GNG12: variants seen among roughly 807,000 people sequenced by gnomAD.
The protein encoded by GNG12 is G protein subunit gamma 12.
For synonymous variants in GNG12, 28 were observed against 29.7 expected (o/e 0.94, Z 0.19); for missense variants, 69 against 83.8 (o/e 0.82, Z 0.69).
chr1:67,737,117 A>G (rs145919326), intron 2 of GNG12, among the ~76,000 whole-genome samples: 1 of 152,348 alleles, frequency 6.6e-6, no homozygotes, highest in Non-Finnish European at 1.5e-5. Flanking sequence ...ACTAAAACCA[A>G]GTCTTAATTT....
intron 2 of GNG12, among the ~76,000 whole-genome samples, chr1:67,736,923 A>C (rs1316627890): frequency 6.6e-6 from 1 of 152,230 alleles, no homozygotes; most frequent in African/African-American, 2.4e-5. Flanking sequence ...GCAACACTGG[A>C]AAAGAAGTAT....
At chr1:67,780,268 G>A (rs1048630120) in intron 1 of GNG12, among the ~76,000 whole-genome samples, 2 of 152,174 alleles carry the variant, frequency 1.3e-5, no homozygotes, top group African/African-American at 4.8e-5. Flanking sequence ...GGTTAAGCCA[G>A]TAGTCTAAGG....
intron 2 of GNG12, among the ~76,000 whole-genome samples, chr1:67,746,918 T>C (rs1646511064): frequency 2.0e-5 from 3 of 151,870 alleles, no homozygotes; most frequent in Admixed American, 2.0e-4. Flanking sequence ...AAGCAAATAA[T>C]ATACTTTAAA....
intron 1 of GNG12, among the ~76,000 whole-genome samples, chr1:67,825,709 C>T (rs1034919094): frequency 2.6e-5 from 4 of 152,192 alleles, no homozygotes; most frequent in Admixed American, 2.0e-4. Flanking sequence ...TGCATCCTGT[C>T]CCCAAGGAAA....
intron 2 of GNG12, among the ~76,000 whole-genome samples, chr1:67,714,345 G>A (rs1407307412): frequency 6.6e-6 from 1 of 152,120 alleles, no homozygotes; most frequent in Non-Finnish European, 1.5e-5. Context: ...GGATTCGCCG[G>A]GGGCATCTGG....
chr1:67,704,317 A>AT lies in GNG12; in HGVS notation c.*1133dup, dbSNP rs889070315. 2.3e-4 allele frequency: 34 copies of AT among 150,068 alleles called. No individual in the cohort carries two copies. Among genetic ancestry groups the AT allele is most frequent in the East Asian group, 7.8e-4 (4 of 5,120 alleles). 9.3% of individuals were successfully genotyped at this position (150,068 alleles called of 1,614,324 possible). A position where few individuals can be genotyped will look rare whatever the true frequency, so the allele number is the denominator to read the frequency against. ...GAGCTTAAGCATCCTGACAGCTTGC[A>AT]TTTTTTTTTTAATTTTTTTTTTCCT... is the stretch of plus-strand genomic sequence containing the variant. On this transcript the variant is annotated 3_prime_UTR_variant, in exon 4 of 4. Coordinates refer to ENST00000370982, the MANE Select transcript of GNG12 (RefSeq NM_018841.6).
intron 1 of GNG12, among the ~76,000 whole-genome samples, chr1:67,797,720 G>A (rs1315724386): frequency 6.6e-6 from 1 of 152,098 alleles, no homozygotes; most frequent in Non-Finnish European, 1.5e-5. Flanking sequence ...AAAATAGGAT[G>A]GGAAATGGAA....
At chr1:67,759,556 G>A (rs114877595) in intron 2 of GNG12, among the ~76,000 whole-genome samples, 1,876 of 152,152 alleles carry the variant, frequency 0.012, 32 homozygotes, top group African/African-American at 0.043. Context: ...TCTACAAAAT[G>A]GACATAAGAA....
intron 1 of GNG12, among the ~76,000 whole-genome samples, chr1:67,792,440 A>T (rs1646807059): frequency 6.6e-6 from 1 of 152,180 alleles, no homozygotes; most frequent in African/African-American, 2.4e-5. Context: ...CATGATTTTT[A>T]AACTACGTAT....
At chr1:67,754,742 C>A (rs1447583713) in intron 2 of GNG12, among the ~76,000 whole-genome samples, 1 of 152,214 alleles carries the variant, frequency 6.6e-6, no homozygotes, top group Non-Finnish European at 1.5e-5. Flanking sequence ...CATCAGGATA[C>A]CGAGCACACT....
intron 2 of GNG12, among the ~76,000 whole-genome samples, chr1:67,770,969 T>C (rs1000889952): frequency 2.0e-5 from 3 of 152,100 alleles, no homozygotes; most frequent in Admixed American, 1.3e-4. Context: ...CCTGTGTGCA[T>C]GTGTGTGTGC....
rs142740076 is a variant in GNG12 at position 67,776,191 on chromosome 1, G to A, written c.-27+1267C>T. On this transcript the variant is annotated intron_variant, in intron 2 of 3. Transcript: ENST00000370982. ...TGTTGAACTGACTGAGATGCCAGAC[G>A]GCTAGAAGTAAGACTAAGATTTGAC... Among the ~76,000 whole-genome samples the A allele has an allele frequency of 2.6e-3, 390 of 152,208 alleles. 2 individuals are homozygous for A. Among genetic ancestry groups the A allele is most frequent in the African/African-American group, 8.8e-3 (367 of 41,546 alleles).
At chr1:67,738,377 C>T (rs1381929884) in intron 2 of GNG12, among the ~76,000 whole-genome samples, 1 of 152,178 alleles carries the variant, frequency 6.6e-6, no homozygotes, top group East Asian at 1.9e-4. Flanking sequence ...ATTAGATATA[C>T]ATAACTGAAT....
At chr1:67,763,640 C>T (rs1646619493) in intron 2 of GNG12, among the ~76,000 whole-genome samples, 1 of 152,050 alleles carries the variant, frequency 6.6e-6, no homozygotes, top group Non-Finnish European at 1.5e-5. Flanking sequence ...TCAAACAACC[C>T]TCCTGCCTCA....
chr1:67,803,618 C>T (rs1205615685), intron 1 of GNG12, among the ~76,000 whole-genome samples: 1 of 152,196 alleles, frequency 6.6e-6, no homozygotes, highest in East Asian at 1.9e-4. Context: ...GTGTTAAGTG[C>T]TTTGCGAGCA....
intron 2 of GNG12, among the ~76,000 whole-genome samples, chr1:67,744,872 C>T (rs1646500074): frequency 6.6e-6 from 1 of 152,192 alleles, no homozygotes; most frequent in African/African-American, 2.4e-5. Context: ...GAATGTGATC[C>T]TATTTAAAAC....
At chr1:67,796,177 A>T (rs1646830563) in intron 1 of GNG12, among the ~76,000 whole-genome samples, 1 of 152,190 alleles carries the variant, frequency 6.6e-6, no homozygotes, top group African/African-American at 2.4e-5. Context: ...GGCTAAACAT[A>T]TCTATTTATT....
intron 2 of GNG12, among the ~76,000 whole-genome samples, chr1:67,771,328 G>A (rs1403003706): frequency 1.3e-5 from 2 of 152,222 alleles, no homozygotes; most frequent in Non-Finnish European, 2.9e-5. Flanking sequence ...AACTCCTTGA[G>A]GCGGATATTT....
In GNG12 at chr1:67,705,463, G is replaced by A; in HGVS notation, c.207C>T (p.Cys69=). The change falls in exon 4 of 4, where the codon TGC becomes TGT. Residue 69 remains cysteine, a synonymous_variant. Coordinates refer to ENST00000370982, the MANE Select transcript of GNG12 (RefSeq NM_018841.6). ...SENPFKDKKT[C]IIL ...TTTCTCTATTCCACTATAAGATGAT[G>A]CAAGTTTTTTTATCCTTGAAAGGGT... is the stretch of plus-strand genomic sequence containing the variant. The A allele has an allele frequency of 6.2e-7, 1 of 1,613,976 alleles. No individual in the cohort carries two copies. The highest frequency in any genetic ancestry group is 8.5e-7 in the Non-Finnish European group (1 of 1,179,946).
Sources: gnomAD v4.1 joint callset for allele counts (sites outside exome capture counted in the v4.1 genomes callset) on GRCh38, gnomAD v4.1.1 for gene constraint, MANE v1.5 for transcripts, NCBI Gene and HGNC (gene_info 2026-07-23, HGNC 2026-07-21) for gene names.